Variants in DLL1 observed in about 807,000 individuals in gnomAD.
DLL1 encodes delta like canonical Notch ligand 1.
A neutral mutation model predicts 75.1 loss-of-function variants in DLL1; 9 were observed. That is an observed-to-expected ratio of 0.12 (90% CI 0.07 to 0.21). The LOEUF (loss-of-function observed/expected upper bound fraction) is 0.21, where lower values mean the gene tolerates loss of function less well. Ranked by LOEUF, DLL1 falls within the 10% of genes least tolerant of loss-of-function variation. The probability of loss-of-function intolerance (pLI) is 1.00; values close to 1 mark genes in which losing one functional copy is unlikely to be tolerated. For synonymous variants in DLL1, 477 were observed against 418.3 expected (o/e 1.14, Z -1.71); for missense variants, 837 against 1,007.6 (o/e 0.83, Z 2.29).
chr6:170,290,012 C>A lies in DLL1; in HGVS notation c.54+74G>T. ...GCCCGTGCCGCTGTCCGCCCCTCCC[C>A]GCGCGCTCCTGCCCCGCGCCCCGGC... On this transcript the variant is annotated intron_variant, in intron 1 of 10. Coordinates refer to ENST00000366756, the MANE Select transcript of DLL1 (RefSeq NM_005618.4). The surrounding 1 kb of genome is among the most constrained non-coding windows in gnomAD (Gnocchi z 4.7). The A allele has an allele frequency of 7.2e-7, 1 of 1,394,420 alleles. No individual in the cohort carries two copies. The highest frequency in any genetic ancestry group is 2.9e-5 in the East Asian group (1 of 33,972). The allele number at this position is 1,394,420 out of a possible 1,614,324, so 86.4% of individuals were successfully genotyped here.
rs779788438 is a variant in DLL1, at chr6:170,284,886, G to A, written c.1249+33C>T. On this transcript the variant is annotated intron_variant, in intron 8 of 10. Coordinates refer to ENST00000366756, the MANE Select transcript of DLL1 (RefSeq NM_005618.4). ...CCACCTCAGTATTGACCGCTCGCCC[G>A]AGTCTCTGAGCAATCACCAGCTGCC... 97 of 1,604,606 alleles carry A rather than the reference G, an allele frequency of 6.0e-5. 1 individual carries two copies. The East Asian group carries it at 1.5e-3, about 25-fold the overall frequency.
At position 170,288,709 on chromosome 6, in the gene DLL1, G is replaced by A. The variant is rs946983901; in HGVS notation, c.412+20C>T. On this transcript the variant is annotated intron_variant, in intron 3 of 10. Coordinates refer to ENST00000366756, the MANE Select transcript of DLL1 (RefSeq NM_005618.4). ...TATTAACTGGGGAAAGCAGTTTTGG[G>A]GTTTGGGTTTTGTTTTTACCTGTTG... The A allele has an allele frequency of 1.2e-6, 2 of 1,614,104 alleles. No individual in the cohort carries two copies. Among genetic ancestry groups the A allele is most frequent in the South Asian group, 1.1e-5 (1 of 91,082 alleles).
At chr6:170,288,184 C>G (rs748271905) in intron 4 of DLL1, 55 bp downstream of exon 4, 7 of 1,612,396 alleles carry the variant, frequency 4.3e-6, no homozygotes, top group Non-Finnish European at 5.9e-6. Flanking sequence ...CCCGTCCCTG[C>G]GCGCGGTCCG....
At position 170,289,708 on chromosome 6, in the gene DLL1, G is replaced by A. The variant is rs747506770; in HGVS notation, c.155C>T (p.Pro52Leu). 3 of 1,548,736 alleles carry A rather than the reference G, an allele frequency of 1.9e-6. No homozygotes were observed. The highest frequency in any genetic ancestry group is 2.6e-6 in the Non-Finnish European group (3 of 1,146,610). Reference protein sequence around the residue: ...RNCCRGGAGPPPCACRTFFRV... With the variant: ...RNCCRGGAGPLPCACRTFFRV... ...GAAGAAGGTCCGGCAGGCGCACGGCGGTGGCCCCGCGCCCCCGCGGCAGCA... is the reference window on the plus strand; with the variant it reads ...GAAGAAGGTCCGGCAGGCGCACGGCAGTGGCCCCGCGCCCCCGCGGCAGCA... Residue 52 changes from proline (P) to leucine (L), a missense_variant, in exon 2 of 11, where the codon CCG becomes CTG. This residue lies in a region of DLL1 where 304 missense variants were observed against 461.9 expected (regional missense o/e 0.66). Coordinates refer to ENST00000366756, the MANE Select transcript of DLL1 (RefSeq NM_005618.4).
chr6:170,285,449 T>C (rs1316323163), intron 6 of DLL1, 26 bp from the exon 7 acceptor site: 1 of 1,614,078 alleles, frequency 6.2e-7, no homozygotes, highest in Non-Finnish European at 8.5e-7. Context: ...ACAGGAAAAG[T>C]AGGAGATAGG....
Position 170,283,725 on chromosome 6 carries a change from G to C in DLL1, c.1554C>G (p.Phe518Leu). The change falls in exon 9 of 11, where the codon TTC becomes TTG. Residue 518 changes from phenylalanine (F) to leucine (L), a missense_variant. Around this residue, in one of 2 missense-constraint regions of DLL1, gnomAD observed 533 missense variants for 545.7 expected, o/e 0.98. Coordinates refer to ENST00000366756, the MANE Select transcript of DLL1 (RefSeq NM_005618.4). ...ARGYGGPNCQ[F>L]LLPELPPGPA... Reference sequence around the variant, plus strand: ...GGCCCGGGGGCAGCTCGGGGAGCAGGAACTGGCAGTTGGGACCCCCGTAGC... The same window carrying C: ...GGCCCGGGGGCAGCTCGGGGAGCAGCAACTGGCAGTTGGGACCCCCGTAGC... 1 of 1,554,012 alleles carries C rather than the reference G, an allele frequency of 6.4e-7. No homozygotes were observed. The highest frequency in any genetic ancestry group is 1.2e-5 in the South Asian group (1 of 83,984).
chr6:170,288,567 C>T, intron 3 of DLL1, 71 bp from the exon 4 acceptor site: 1 of 1,613,688 alleles, frequency 6.2e-7, no homozygotes, highest in Non-Finnish European at 8.5e-7. Flanking sequence ...CGGGGGTGGG[C>T]CGAGACATTC....
intron 3 of DLL1, 26 bp from the exon 4 acceptor site, chr6:170,288,522 G>A: frequency 2.5e-6 from 4 of 1,614,086 alleles, no homozygotes; most frequent in Non-Finnish European, 3.4e-6. Context: ...GCTCCTGGTT[G>A]GTTCTGAACG....
At position 170,285,022 on chromosome 6, in the gene DLL1, T is replaced by C. The variant is rs765758145; in HGVS notation, c.1146A>G (p.Ser382=). ...AGCTGTACCCTCCATCGGGGCTGTC[T>C]GAGCACCGACCCCCGTTAAAGCAAG... is the stretch of plus-strand genomic sequence containing the variant. The part of the protein sequence containing the change: ...DGPCFNGGRC[S]DSPDGGYSCR... The change falls in exon 8 of 11, where the codon TCA becomes TCG. Residue 382 remains serine (S), a synonymous_variant. Coordinates refer to ENST00000366756, the MANE Select transcript of DLL1 (RefSeq NM_005618.4). 3.1e-6 allele frequency: 5 copies of C among 1,614,154 alleles called. No individual in the cohort carries two copies. The highest frequency in any genetic ancestry group is 2.5e-6 in the Non-Finnish European group (3 of 1,180,022).
Position 170,283,079 on chromosome 6 carries a change from G to C in DLL1, c.2075C>G (p.Pro692Arg). 2 of 1,614,058 alleles carry C rather than the reference G, an allele frequency of 1.2e-6. No homozygotes were observed. Among genetic ancestry groups the C allele is most frequent in the Non-Finnish European group, 1.7e-6 (2 of 1,180,026 alleles). The change falls in exon 10 of 11, where the codon CCG becomes CGG. Residue 692 changes from proline (P) to arginine (R), a missense_variant. Pro to Arg is a moderately radical substitution (Grantham distance 103). Coordinates refer to ENST00000366756, the MANE Select transcript of DLL1 (RefSeq NM_005618.4). ...TTTTGAAGTTGAACAGCCCGAGTCC[G>C]GCCTTTTTCTTTCAGATGCTTCTCC... ...RGGEASERKR[P>R]DSGCSTSKDT...
In DLL1 at chr6:170,290,022, T is replaced by G. The variant is rs1783817822; in HGVS notation, c.54+64A>C. 2 of 1,495,144 alleles carry G rather than the reference T, an allele frequency of 1.3e-6. No individual in the cohort carries two copies. The highest frequency in any genetic ancestry group is 5.4e-5 in the East Asian group (2 of 37,276). The allele number at this position is 1,495,144 out of a possible 1,614,324, so 92.6% of individuals were successfully genotyped here. A position where few individuals can be genotyped will look rare whatever the true frequency, so the allele number is the denominator to read the frequency against. On this transcript the variant is annotated intron_variant, in intron 1 of 10. Coordinates refer to ENST00000366756, the MANE Select transcript of DLL1 (RefSeq NM_005618.4). The surrounding 1 kb of genome is among the most constrained non-coding windows in gnomAD (Gnocchi z 4.7). ...CTGTCCGCCCCTCCCCGCGCGCTCCTGCCCCGCGCCCCGGCTACCCGTGAG... is the reference window on the plus strand; with the variant it reads ...CTGTCCGCCCCTCCCCGCGCGCTCCGGCCCCGCGCCCCGGCTACCCGTGAG...
At chr6:170,289,153 C>CGCGGG (rs1783781484) in intron 2 of DLL1, 1 of 590,072 alleles carries the variant, frequency 1.7e-6, no homozygotes, top group East Asian at 3.1e-5. Context: ...GGTCGCGCTG[C>CGCGGG]GCGGGTAATC....
chr6:170,289,679 C>T lies in DLL1; in HGVS notation c.184G>A (p.Val62Met). Residue 62 changes from valine (V) to methionine (M), a missense_variant, in exon 2 of 11, where the codon GTG becomes ATG. Transcript: ENST00000366756. ...PPCACRTFFR[V>M]CLKHYQASVS... The stretch of plus-strand genomic sequence containing the variant: ...CTGGCCTGGTAGTGCTTGAGGCACA[C>T]GCGGAAGAAGGTCCGGCAGGCGCAC... 1 of 1,545,560 alleles carries T rather than the reference C, an allele frequency of 6.5e-7. No individual in the cohort carries two copies.
At chr6:170,286,395 C>A in intron 4 of DLL1, 97 bp from the exon 5 acceptor site, 1 of 1,421,358 alleles carries the variant, frequency 7.0e-7, no homozygotes, top group South Asian at 1.1e-5. Context: ...CGGCTTCAGT[C>A]AGCAAATCCC....
chr6:170,283,046 T>C lies in DLL1; in HGVS notation c.2108A>G (p.Lys703Arg). The change falls in exon 10 of 11, where the codon AAG (lysine) becomes AGG (arginine). Residue 703 changes from lysine (K) to arginine (R), a missense_variant. This residue lies in a region of DLL1 where 533 missense variants were observed against 545.7 expected (regional missense o/e 0.98). Coordinates refer to ENST00000366756, the MANE Select transcript of DLL1 (RefSeq NM_005618.4). Reference protein sequence around the residue: ...DSGCSTSKDTKYQSVYVISEE... With the variant: ...DSGCSTSKDTRYQSVYVISEE... ...GGATATGACGTACACCGACTGGTACTTGGTGTCTTTTGAAGTTGAACAGCC... is the reference window on the plus strand; with the variant it reads ...GGATATGACGTACACCGACTGGTACCTGGTGTCTTTTGAAGTTGAACAGCC... The C allele has an allele frequency of 6.2e-7, 1 of 1,614,158 alleles. No individual in the cohort carries two copies. The highest frequency in any genetic ancestry group is 8.5e-7 in the Non-Finnish European group (1 of 1,180,046).
At position 170,283,445 on chromosome 6, in the gene DLL1, T is replaced by C. The variant is rs1021386733; in HGVS notation, c.1834A>G (p.Ile612Val). The C allele has an allele frequency of 1.9e-6, 3 of 1,612,252 alleles. No individual in the cohort carries two copies. The highest frequency in any genetic ancestry group is 2.5e-6 in the Non-Finnish European group (3 of 1,180,032). ...TCCGCCTTCTTGTTGGTGTTCTTGA[T>C]CTGCGTGGCCCCGATGATGCTGACT... ...ISVSIIGATQ[I>V]KNTNKKADFH... The change falls in exon 9 of 11, where the codon ATC becomes GTC. Residue 612 changes from isoleucine (I) to valine (V), a missense_variant. Ile to Val is a conservative substitution (Grantham distance 29). Transcript: ENST00000366756.
At chr6:170,289,004 G>GT (rs1440878655) in intron 2 of DLL1, among the ~76,000 whole-genome samples, 1 of 152,138 alleles carries the variant, frequency 6.6e-6, no homozygotes, top group African/African-American at 2.4e-5. Context: ...TTCCTGACGT[G>GT]TTTTTTCAGC....
rs1414209178 is a variant in DLL1 at position 170,290,111 on chromosome 6, G to A, written c.29C>T (p.Ala10Val). The change falls in exon 1 of 11, where the codon GCG (alanine) becomes GTG (valine). Residue 10 changes from alanine to valine, a missense_variant. By Grantham distance (64) the Ala-to-Val change is moderately conservative. Around this residue, in one of 2 missense-constraint regions of DLL1, gnomAD observed 304 missense variants for 461.9 expected, o/e 0.66. Transcript: ENST00000366756. The surrounding 1 kb of genome is among the most constrained non-coding windows in gnomAD (Gnocchi z 4.7). MGSRCALAL[A>V]VLSALLCQVW... ...CTGACACAGCAAGGCCGAGAGCACCGCCAGGGCCAGCGCGCACCGACTGCC... is the reference window on the plus strand; with the variant it reads ...CTGACACAGCAAGGCCGAGAGCACCACCAGGGCCAGCGCGCACCGACTGCC... 7 of 1,591,974 alleles carry A rather than the reference G, an allele frequency of 4.4e-6. No homozygotes were observed. The highest frequency in any genetic ancestry group is 1.3e-5 in the African/African-American group (1 of 74,276).
intron 3 of DLL1, 23 bp downstream of exon 3, chr6:170,288,706 T>G (rs762303757): frequency 6.2e-7 from 1 of 1,614,066 alleles, no homozygotes; most frequent in Admixed American, 1.7e-5. Context: ...AAAGCAGTTT[T>G]GGGGTTTGGG....
Sources: gnomAD v4.1 joint callset for allele counts (sites outside exome capture counted in the v4.1 genomes callset) on GRCh38, gnomAD v4.1.1 for gene constraint, gnomAD v4.1.1 regional missense constraint, Gnocchi (gnomAD v3.1) non-coding constraint, MANE v1.5 for transcripts, NCBI Gene and HGNC (gene_info 2026-07-23, HGNC 2026-07-21) for gene names.